GLIS3: variants seen among roughly 807,000 people sequenced by gnomAD.
The protein encoded by GLIS3 is GLIS family zinc finger 3, also known as zinc finger protein GLIS3.
Under a neutral mutation model 78.6 loss-of-function variants are expected in GLIS3, and 53 were observed. The ratio of observed to expected loss-of-function variants is 0.67; its 90% CI spans 0.54 to 0.85. GLIS3 has a LOEUF of 0.85. Ranked by LOEUF, GLIS3 falls within the 40% of genes least tolerant of loss-of-function variation. The probability of loss-of-function intolerance (pLI) is 0.00; values close to 1 mark genes in which losing one functional copy is unlikely to be tolerated. For missense variants in GLIS3, 1,703 were observed against 1,231.1 expected (o/e 1.38, Z -5.74); for synonymous variants, 684 against 509.9 (o/e 1.34, Z -4.60).
chr9:4,270,947 C>T (rs553305095), intron 2 of GLIS3, among the ~76,000 whole-genome samples: 1 of 149,070 alleles, frequency 6.7e-6, no homozygotes, highest in African/African-American at 2.5e-5. Flanking sequence ...ACACAACTGA[C>T]CCTTGAACAA....
At chr9:4,142,931 A>T (rs1833917734) in intron 2 of GLIS3, among the ~76,000 whole-genome samples, 1 of 152,166 alleles carries the variant, frequency 6.6e-6, no homozygotes, top group African/African-American at 2.4e-5. Context: ...TCAGTGAGGA[A>T]ATAAATCACT....
intron 1 of GLIS3, among the ~76,000 whole-genome samples, chr9:4,295,515 C>T (rs1477561281): frequency 2.0e-5 from 3 of 152,084 alleles, no homozygotes; most frequent in African/African-American, 7.2e-5. Flanking sequence ...AGAAGCCAGA[C>T]CCAAGAGTGC....
intron 4 of GLIS3, among the ~76,000 whole-genome samples, chr9:4,080,864 T>G (rs3925025): frequency 0.23 from 35,011 of 152,128 alleles, 4,552 homozygotes; most frequent in East Asian, 0.36. Context: ...TGGATCATCT[T>G]GACCCCCGGG....
chr9:4,432,352 C>G, the GLIS3 span, among the ~76,000 whole-genome samples: 3 of 152,118 alleles, frequency 2.0e-5, no homozygotes, highest in African/African-American at 4.8e-5. Flanking sequence ...AGGATCTTAA[C>G]AAACAGAAGT....
chr9:4,402,785 G>C, the GLIS3 span, among the ~76,000 whole-genome samples: 3 of 151,916 alleles, frequency 2.0e-5, no homozygotes, highest in Admixed American at 6.6e-5. Flanking sequence ...GAAGGGGAAA[G>C]AAAGATAAAA....
At chr9:4,215,540 T>C (rs1230758084) in intron 2 of GLIS3, among the ~76,000 whole-genome samples, 1 of 152,198 alleles carries the variant, frequency 6.6e-6, no homozygotes, top group African/African-American at 2.4e-5. Flanking sequence ...AATTTCCCAA[T>C]GCTCTGCTTT....
At chr9:4,478,125 G>T in the GLIS3 span, among the ~76,000 whole-genome samples, 1 of 152,078 alleles carries the variant, frequency 6.6e-6, no homozygotes, top group Admixed American at 6.6e-5. Context: ...GGGACATCTT[G>T]CTGAGTCAGA....
At chr9:4,032,628 C>A (rs115698416) in intron 4 of GLIS3, among the ~76,000 whole-genome samples, 3,540 of 152,180 alleles carry the variant, frequency 0.023, 155 homozygotes, top group African/African-American at 0.079. Context: ...ACATACGCAA[C>A]GTGTCAAGTG....
intron 4 of GLIS3, among the ~76,000 whole-genome samples, chr9:4,025,491 G>A (rs988798736): frequency 3.3e-5 from 5 of 151,988 alleles, no homozygotes; most frequent in South Asian, 2.1e-4. Flanking sequence ...TGGTGCAAGC[G>A]ATTCTCCTGC....
chr9:4,231,991 C>T (rs1331631683), intron 2 of GLIS3, among the ~76,000 whole-genome samples: 2 of 152,116 alleles, frequency 1.3e-5, no homozygotes, highest in African/African-American at 2.4e-5. Flanking sequence ...AACCAGAAAG[C>T]AAGAAAAATA....
intron 2 of GLIS3, among the ~76,000 whole-genome samples, chr9:4,196,710 C>A (rs1050528523): frequency 6.6e-6 from 1 of 152,194 alleles, no homozygotes; most frequent in Non-Finnish European, 1.5e-5. Context: ...ACTCCAGACA[C>A]GCCATTTTTA....
In GLIS3 at chr9:4,065,492, ATTTG is replaced by A. The variant is rs1439852611; in HGVS notation, c.1710+52272_1710+52275del. Among the ~76,000 whole-genome samples, 7 of 152,216 alleles carry A rather than the reference ATTTG, an allele frequency of 4.6e-5. No homozygotes were observed. The East Asian group carries it at 9.6e-4, about 21-fold the overall frequency. On this transcript the variant is annotated intron_variant, in intron 4 of 10. Transcript: ENST00000381971. Reference sequence around the variant, plus strand: ...GTCATTATTCAAAATTTAATATCAAATTTGTTTGTTTTATACAAATTCCCAACTC... The same window carrying A: ...GTCATTATTCAAAATTTAATATCAAATTTGTTTTATACAAATTCCCAACTC...
At chr9:3,836,164 C>T (rs1045854491) in intron 9 of GLIS3, among the ~76,000 whole-genome samples, 3 of 152,198 alleles carry the variant, frequency 2.0e-5, no homozygotes, top group Admixed American at 2.0e-4. Context: ...CCAGCCCTGG[C>T]AGAGCAGATT....
In GLIS3 at chr9:3,927,143, A is replaced by G. The variant is rs568216672; in HGVS notation, c.1983+5217T>C. The stretch of plus-strand genomic sequence containing the variant: ...GAAGATAATGTAAATCTATGAGGGC[A>G]CAGAACTTGTCTGTCTTATACACAT... On this transcript the variant is annotated intron_variant, in intron 6 of 10. Coordinates refer to ENST00000381971, the MANE Select transcript of GLIS3 (RefSeq NM_001042413.2). 3.3e-5 allele frequency among the ~76,000 whole-genome samples: 5 copies of G among 152,330 alleles called. No individual in the cohort carries two copies. The South Asian group carries it at 1.0e-3, about 32-fold the overall frequency.
chr9:4,046,977 G>A (rs1455956876), intron 4 of GLIS3, among the ~76,000 whole-genome samples: 4 of 152,170 alleles, frequency 2.6e-5, no homozygotes, highest in African/African-American at 9.7e-5. Flanking sequence ...ACACTAATGG[G>A]AAAGTTGTCG....
intron 2 of GLIS3, among the ~76,000 whole-genome samples, chr9:4,181,018 G>GACA (rs1817273508): frequency 1.3e-5 from 2 of 152,202 alleles, no homozygotes; most frequent in Admixed American, 6.5e-5. Flanking sequence ...GAAGCAAGGT[G>GACA]TCCACCTCAG....
the GLIS3 span, among the ~76,000 whole-genome samples, chr9:4,372,145 G>A: frequency 1.3e-5 from 2 of 152,156 alleles, no homozygotes; most frequent in Non-Finnish European, 2.9e-5. Flanking sequence ...TGAGGCAGGA[G>A]GAATTAGTCT....
chr9:4,072,551 A>G (rs2130643795), intron 4 of GLIS3, among the ~76,000 whole-genome samples: 1 of 152,294 alleles, frequency 6.6e-6, no homozygotes. Context: ...AACATTTAAA[A>G]ATAGTCATTA....
intron 2 of GLIS3, among the ~76,000 whole-genome samples, chr9:4,276,652 T>A (rs1827059210): frequency 6.6e-6 from 1 of 152,010 alleles, no homozygotes; most frequent in African/African-American, 2.4e-5. Flanking sequence ...TGGGGAAGGG[T>A]ACTAATGGAA....
Sources: allele counts gnomAD v4.1 joint callset (sites outside exome capture counted in the v4.1 genomes callset), GRCh38; gene constraint gnomAD v4.1.1; transcripts MANE v1.5; gene names NCBI Gene and HGNC (gene_info 2026-07-23, HGNC 2026-07-21).